Variants in SORCS2 observed in about 807,000 individuals in gnomAD.
The protein encoded by SORCS2 is sortilin related VPS10 domain containing receptor 2, also known as VPS10 domain-containing receptor SorCS2.
Under a neutral mutation model 141.6 loss-of-function variants are expected in SORCS2, and 100 were observed. The observed-to-expected ratio is 0.71, with a 90% CI of 0.60 to 0.83. The LOEUF is 0.83. SORCS2 is among the 40% of genes least tolerant of loss of function. The pLI, the probability that SORCS2 is intolerant of heterozygous loss-of-function variation, is 0.00. For synonymous variants in SORCS2, 789 were observed against 676.9 expected (o/e 1.17, Z -2.57); for missense variants, 1,646 against 1,560.2 (o/e 1.05, Z -0.93).
chr4:7,220,920 C>T (rs186969862), intron 1 of SORCS2, among the ~76,000 whole-genome samples: 4 of 152,214 alleles, frequency 2.6e-5, no homozygotes, highest in African/African-American at 7.2e-5. Context: ...GCAGCACCCA[C>T]ACAGGTTGTT....
At chr4:7,340,428 C>T (rs937010078) in intron 1 of SORCS2, among the ~76,000 whole-genome samples, 4 of 152,224 alleles carry the variant, frequency 2.6e-5, no homozygotes, top group African/African-American at 4.8e-5. Flanking sequence ...AGAGCCTCTG[C>T]GTGTCCTGGC....
intron 2 of SORCS2, among the ~76,000 whole-genome samples, chr4:7,507,758 G>A (rs72616136): frequency 0.57 from 86,583 of 151,560 alleles, 26,604 homozygotes; most frequent in East Asian, 0.98. Flanking sequence ...GGGGGGAAAA[G>A]TTAAGGCATG....
intron 2 of SORCS2, among the ~76,000 whole-genome samples, chr4:7,415,698 GTT>G (rs532389941): frequency 8.9e-4 from 136 of 152,376 alleles, no homozygotes; most frequent in African/African-American, 3.1e-3. Flanking sequence ...ATGGTCAGAA[GTT>G]ATCAGTTGAA....
chr4:7,226,130 C>G (rs1560124199), intron 1 of SORCS2, among the ~76,000 whole-genome samples: 1 of 152,168 alleles, frequency 6.6e-6, no homozygotes. Context: ...GGATGGCTTT[C>G]CTTGCTGCTG....
At chr4:7,612,033 G>A (rs942928349) in intron 3 of SORCS2, among the ~76,000 whole-genome samples, 1 of 152,226 alleles carries the variant, frequency 6.6e-6, no homozygotes, top group Non-Finnish European at 1.5e-5. Context: ...TGTGGTGTGG[G>A]ACAGAAGAGG....
chr4:7,467,061 T>C (rs958127094), intron 2 of SORCS2, among the ~76,000 whole-genome samples: 14 of 152,048 alleles, frequency 9.2e-5, no homozygotes, highest in African/African-American at 3.4e-4. Context: ...CACTGAAGCA[T>C]TGTGTGGTTT....
intron 1 of SORCS2, among the ~76,000 whole-genome samples, chr4:7,330,653 A>G (rs1463755923): frequency 1.3e-5 from 2 of 152,008 alleles, no homozygotes; most frequent in Non-Finnish European, 2.9e-5. Flanking sequence ...GTGAAAGTCA[A>G]TGCCCGCTGT....
At chr4:7,337,564 G>C (rs1033481780) in intron 1 of SORCS2, among the ~76,000 whole-genome samples, 7 of 152,154 alleles carry the variant, frequency 4.6e-5, no homozygotes, top group Non-Finnish European at 1.0e-4. Context: ...AGGTCAGGTG[G>C]CTGACAAGAC....
At chr4:7,530,201 A>AT (rs1348756872) in intron 2 of SORCS2, among the ~76,000 whole-genome samples, 7 of 152,220 alleles carry the variant, frequency 4.6e-5, no homozygotes, top group African/African-American at 1.7e-4. Context: ...TGGGGCCTTT[A>AT]TGCTAAAGCA....
chr4:7,539,680 A>ACCCCCGTTATGGATGCCCCGC (rs1712414900), intron 3 of SORCS2, among the ~76,000 whole-genome samples: 1 of 134,228 alleles, frequency 7.5e-6, no homozygotes, highest in African/African-American at 2.6e-5. Context: ...CAAGGCCCCG[A>ACCCCCGTTATGGATGCCCCGC]CCCCCGTTAT....
chr4:7,550,330 C>T (rs562362459), intron 3 of SORCS2, among the ~76,000 whole-genome samples: 4 of 152,218 alleles, frequency 2.6e-5, no homozygotes, highest in South Asian at 2.1e-4. Flanking sequence ...TGTTTGCTCC[C>T]GCTGGGGGCC....
chr4:7,336,793 G>A lies in SORCS2; in HGVS notation c.481-59495G>A, dbSNP rs1266836127. Among the ~76,000 whole-genome samples the A allele has an allele frequency of 1.1e-4, 16 of 152,340 alleles. 3 individuals carry two copies. Among genetic ancestry groups the A allele is most frequent in the Non-Finnish European group, 1.8e-4 (12 of 68,040 alleles). The stretch of plus-strand genomic sequence containing the variant: ...AGCAGCTTGGGTGGCAGGCTCCAGA[G>A]GCTATTGGAGTTGGCACTTTGGGCT... On this transcript the variant is annotated intron_variant, in intron 1 of 26. Coordinates refer to ENST00000507866, the MANE Select transcript of SORCS2 (RefSeq NM_020777.3).
rs1712025735 is a variant in SORCS2, at chr4:7,233,192, G to T, written c.480+40066G>T. Among the ~76,000 whole-genome samples, 1 of 152,144 alleles carries T rather than the reference G, an allele frequency of 6.6e-6. No homozygotes were observed. Among genetic ancestry groups the T allele is most frequent in the Non-Finnish European group, 1.5e-5 (1 of 68,020 alleles). ...ACTGTCACTGCAGGCAGCAGGAACG[G>T]CACGGCAGAGGGAGCCTTCCAGAGC... On this transcript the variant is annotated intron_variant, in intron 1 of 26. Coordinates refer to ENST00000507866, the MANE Select transcript of SORCS2 (RefSeq NM_020777.3). This position sits in a 1 kb window ranked among gnomAD's most constrained non-coding sequence, Gnocchi z 4.5.
At chr4:7,309,972 C>T (rs534889588) in intron 1 of SORCS2, among the ~76,000 whole-genome samples, 5 of 152,148 alleles carry the variant, frequency 3.3e-5, no homozygotes, top group Non-Finnish European at 5.9e-5. Context: ...AAGGAGCAGG[C>T]GCTGGGAAAT....
At chr4:7,379,983 C>T (rs572503193) in intron 1 of SORCS2, among the ~76,000 whole-genome samples, 7 of 152,350 alleles carry the variant, frequency 4.6e-5, no homozygotes, top group South Asian at 2.1e-4. Flanking sequence ...CTGCCGGTTC[C>T]GTTCTGCTTT....
At chr4:7,548,332 T>C (rs1713427588) in intron 3 of SORCS2, among the ~76,000 whole-genome samples, 1 of 152,156 alleles carries the variant, frequency 6.6e-6, no homozygotes, top group African/African-American at 2.4e-5. Flanking sequence ...TCCCATTCCT[T>C]GGATGCTCTG....
At chr4:7,638,046 TCTC>T (rs1720384392) in intron 3 of SORCS2, among the ~76,000 whole-genome samples, 1 of 151,916 alleles carries the variant, frequency 6.6e-6, no homozygotes, top group South Asian at 2.1e-4. Context: ...TTTCTGGACA[TCTC>T]CTCACTGGTG....
intron 14 of SORCS2, among the ~76,000 whole-genome samples, chr4:7,712,042 C>T (rs1443667634): frequency 2.6e-5 from 4 of 152,108 alleles, no homozygotes; most frequent in Admixed American, 6.5e-5. Context: ...TCAGGATGTT[C>T]AGATCTTAGG....
At chr4:7,638,289 G>A (rs372945694) in intron 3 of SORCS2, 39 bp from the exon 4 acceptor site, 83 of 1,488,432 alleles carry the variant, frequency 5.6e-5, no homozygotes, top group African/African-American at 1.3e-4. Context: ...GGGGAGAGGG[G>A]CACCTGGCCC....
Sources: gnomAD v4.1 joint callset for allele counts (sites outside exome capture counted in the v4.1 genomes callset) on GRCh38, gnomAD v4.1.1 for gene constraint, Gnocchi (gnomAD v3.1) non-coding constraint, MANE v1.5 for transcripts, NCBI Gene and HGNC (gene_info 2026-07-23, HGNC 2026-07-21) for gene names.